RPAP3: variants seen among roughly 807,000 people sequenced by gnomAD.
The protein encoded by RPAP3 is RNA polymerase II associated protein 3.
In RPAP3, 58 loss-of-function variants were observed where a neutral mutation model predicts 88.8. That is an observed-to-expected ratio of 0.65 (90% CI 0.53 to 0.81). The LOEUF is 0.81. RPAP3 is among the 40% of genes least tolerant of loss of function. The probability of loss-of-function intolerance (pLI) is 0.00; values close to 1 mark genes in which losing one functional copy is unlikely to be tolerated. For synonymous variants in RPAP3, 255 were observed against 259.9 expected, an observed-to-expected ratio of 0.98 and a Z score of 0.18; for missense variants, 751 against 764.3, an observed-to-expected ratio of 0.98 and a Z score of 0.20.
rs753789808 is a variant in RPAP3, at chr12:47,686,886, CCT to C, written c.884_885del (p.Glu295GlyfsTer4). The C allele has an allele frequency of 2.5e-6, 4 of 1,598,568 alleles. No homozygotes were observed. Among genetic ancestry groups the C allele is most frequent in the Non-Finnish European group, 3.4e-6 (4 of 1,171,078 alleles). On this transcript the variant is annotated frameshift_variant, in exon 9 of 17. Coordinates refer to ENST00000005386, the MANE Select transcript of RPAP3 (RefSeq NM_024604.3). LOFTEE classifies it high-confidence loss of function. Reference protein sequence around the residue: ...EKDRGNGFFKEGKYERAIECY... With the variant: ...EKDRGNGFFKXGKYERAIECY... ...CATTCAATTGCTCTTTCATATTTCC[CCT>C]CTTTGAAAAATCCATTCCCCTGTTA...
chr12:47,697,409 C>A (rs1464585498), intron 4 of RPAP3, among the ~76,000 whole-genome samples, 188 bp downstream of exon 4: 1 of 152,010 alleles, frequency 6.6e-6, no homozygotes. Context: ...AGATTTGAAC[C>A]CAGGTAATCT....
rs1176956578 is a variant in RPAP3 at position 47,662,847 on chromosome 12, T to G, written c.*658A>C. The G allele has an allele frequency of 6.6e-6, 1 of 152,230 alleles. No individual in the cohort carries two copies. The highest frequency in any genetic ancestry group is 1.5e-5 in the Non-Finnish European group (1 of 68,052). 9.4% of individuals were successfully genotyped at this position (152,230 alleles called of 1,614,324 possible). On this transcript the variant is annotated 3_prime_UTR_variant, in exon 17 of 17. Transcript: ENST00000005386. ...TAATTAGTACTTTAAACATTACTAA[T>G]TTTTACATTTTTACACCTTGCATTA...
At chr12:47,681,588 T>G (rs1408257957) in intron 10 of RPAP3, 108 bp downstream of exon 10, 1 of 1,123,602 alleles carries the variant, frequency 8.9e-7, no homozygotes, top group Non-Finnish European at 1.3e-6. Flanking sequence ...GAAAACATAA[T>G]TCCCTAAGTT....
In RPAP3 at chr12:47,670,339, G is replaced by C. The variant is rs1304190739; in HGVS notation, c.1294C>G (p.Leu432Val). The C allele has an allele frequency of 2.6e-6, 4 of 1,566,604 alleles. No individual in the cohort carries two copies. The highest frequency in any genetic ancestry group is 2.6e-6 in the Non-Finnish European group (3 of 1,142,452). ...NPPHPGSTKPLKKVIIEETGN... is the reference protein window; with the variant it reads ...NPPHPGSTKPVKKVIIEETGN... ...GTTTCTTCAATAATAACCTTCTTGA[G>C]TGGTTTCTAAAACAATTAAAATCAA... The change falls in exon 13 of 17, where the codon CTC (leucine) becomes GTC (valine). Residue 432 changes from leucine to valine, a missense_variant. By Grantham distance (32) the Leu-to-Val change is conservative (BLOSUM62 1). Coordinates refer to ENST00000005386, the MANE Select transcript of RPAP3 (RefSeq NM_024604.3).
chr12:47,689,789 C>T (rs1939393807), intron 6 of RPAP3, among the ~76,000 whole-genome samples: 1 of 152,096 alleles, frequency 6.6e-6, no homozygotes, highest in South Asian at 2.1e-4. Flanking sequence ...CTCCTGTAAT[C>T]CCAGCACTTT....
chr12:47,670,425 T>C (rs1592468822), intron 12 of RPAP3, 80 bp from the exon 13 acceptor site: 2 of 760,572 alleles, frequency 2.6e-6, no homozygotes, highest in South Asian at 1.8e-5. Flanking sequence ...AAGGCTGCAA[T>C]GATCTTACAG....
chr12:47,671,663 A>G (rs937175354), intron 12 of RPAP3, among the ~76,000 whole-genome samples: 1 of 152,222 alleles, frequency 6.6e-6, no homozygotes, highest in African/African-American at 2.4e-5. Flanking sequence ...TGTATCAGCA[A>G]AAGTTTTTAT....
intron 14 of RPAP3, among the ~76,000 whole-genome samples, chr12:47,668,555 C>G (rs1938930276): frequency 6.6e-6 from 1 of 152,160 alleles, no homozygotes; most frequent in South Asian, 2.1e-4. Context: ...GGATTTGATT[C>G]TTTTTCTTAA....
chr12:47,680,778 G>C (rs1290681821), intron 10 of RPAP3, among the ~76,000 whole-genome samples: 1 of 151,376 alleles, frequency 6.6e-6, no homozygotes, highest in Non-Finnish European at 1.5e-5. Flanking sequence ...AATTAAAATG[G>C]TATCAGATCT....
At chr12:47,695,128 G>C (rs1237848288) in intron 5 of RPAP3, among the ~76,000 whole-genome samples, 1 of 152,074 alleles carries the variant, frequency 6.6e-6, no homozygotes, top group Non-Finnish European at 1.5e-5. Flanking sequence ...GGAAGAAAGA[G>C]TGGGAGGGAG....
At chr12:47,668,603 G>A (rs1319174418) in intron 14 of RPAP3, among the ~76,000 whole-genome samples, 2 of 152,130 alleles carry the variant, frequency 1.3e-5, no homozygotes, top group African/African-American at 2.4e-5. Flanking sequence ...CATATTGCAA[G>A]CACTGCTTGG....
In RPAP3 at chr12:47,667,024, C is replaced by CTT; in HGVS notation, c.1866_1867dup (p.Arg623LysfsTer7). 6.5e-7 allele frequency: 1 copy of CTT among 1,535,190 alleles called. No individual in the cohort carries two copies. The highest frequency in any genetic ancestry group is 8.7e-7 in the Non-Finnish European group (1 of 1,149,496). On this transcript the variant is annotated frameshift_variant, in exon 16 of 17. Coordinates refer to ENST00000005386, the MANE Select transcript of RPAP3 (RefSeq NM_024604.3). LOFTEE classifies it high-confidence loss of function. ...CATAAACATCACTGCCATATCAAAC[C>CTT]TTTTTAGTTCAGAAAGTCTTTGTAA...
intron 12 of RPAP3, among the ~76,000 whole-genome samples, chr12:47,677,481 A>G (rs916876025): frequency 6.6e-6 from 1 of 152,132 alleles, no homozygotes; most frequent in Admixed American, 6.6e-5. Context: ...ATGATTGTAT[A>G]TTTAGAAAAC....
intron 13 of RPAP3, among the ~76,000 whole-genome samples, chr12:47,669,564 A>G (rs376227422): frequency 1.3e-5 from 2 of 152,204 alleles, no homozygotes; most frequent in East Asian, 1.9e-4. Flanking sequence ...AAAAGAAAAA[A>G]ACAACTTTTA....
intron 4 of RPAP3, 135 bp from the exon 5 acceptor site, chr12:47,696,538 T>A (rs1445798915): frequency 1.8e-6 from 1 of 556,210 alleles, no homozygotes; most frequent in Non-Finnish European, 3.0e-6. Flanking sequence ...CTACACCAAG[T>A]GTGCCTGCCT....
chr12:47,685,311 G>A (rs1383090897), intron 9 of RPAP3, among the ~76,000 whole-genome samples: 1 of 151,658 alleles, frequency 6.6e-6, no homozygotes, highest in Admixed American at 6.6e-5. Context: ...CCTGGGAGGT[G>A]GAGGTTGCAG....
intron 11 of RPAP3, 42 bp from the exon 12 acceptor site, chr12:47,679,636 T>C (rs1330169513): frequency 1.3e-6 from 2 of 1,519,836 alleles, no homozygotes; most frequent in Admixed American, 1.7e-5. Context: ...AAATATTTAT[T>C]ATACAACAAA....
At position 47,668,970 on chromosome 12, in the gene RPAP3, T is replaced by G. The variant is rs958331895; in HGVS notation, c.1659A>C (p.Glu553Asp). 18 of 1,614,080 alleles carry G rather than the reference T, an allele frequency of 1.1e-5. No individual in the cohort carries two copies. The highest frequency in any genetic ancestry group is 1.5e-5 in the Non-Finnish European group (18 of 1,179,950). The change falls in exon 14 of 17, where the codon GAA becomes GAC. Residue 553 changes from glutamate to aspartate, a missense_variant. Glu to Asp is a conservative substitution (Grantham distance 45). Coordinates refer to ENST00000005386, the MANE Select transcript of RPAP3 (RefSeq NM_024604.3). ...PPIPANSFQL[E>D]SDFRQLKSSP... ...AACTTTTCAATTGTCTGAAATCAGATTCGAGCTGGAACGAGTTTGCAGGAA... is the reference window on the plus strand; with the variant it reads ...AACTTTTCAATTGTCTGAAATCAGAGTCGAGCTGGAACGAGTTTGCAGGAA...
intron 10 of RPAP3, 87 bp from the exon 11 acceptor site, chr12:47,679,861 G>C: frequency 1.1e-6 from 1 of 928,790 alleles, no homozygotes; most frequent in South Asian, 1.6e-5. Flanking sequence ...TATTCAGTTA[G>C]TAATCACATT....
Sources: gnomAD v4.1 joint callset for allele counts (sites outside exome capture counted in the v4.1 genomes callset) on GRCh38, gnomAD v4.1.1 for gene constraint, MANE v1.5 for transcripts, NCBI Gene and HGNC (gene_info 2026-07-23, HGNC 2026-07-21) for gene names.